The following SYNPR variants were observed in gnomAD, a reference collection of about 807,000 sequenced individuals.
The protein encoded by SYNPR is synaptoporin.
In SYNPR, 23 loss-of-function variants were observed where a neutral mutation model predicts 32.9. The ratio of observed to expected loss-of-function variants is 0.70; its 90% CI spans 0.50 to 0.99. The LOEUF (loss-of-function observed/expected upper bound fraction) is 0.99, where lower values mean the gene tolerates loss of function less well. SYNPR is among the 50% of genes least tolerant of loss of function. The pLI, the probability that SYNPR is intolerant of heterozygous loss-of-function variation, is 0.00. For missense variants in SYNPR, 318 were observed against 349.3 expected (o/e 0.91, Z 0.71); for synonymous variants, 146 against 135.9 (o/e 1.07, Z -0.52).
chr3:63,282,686 A>G (rs980728678), intron 2 of SYNPR, among the ~76,000 whole-genome samples: 6 of 80,588 alleles, frequency 7.4e-5, no homozygotes, highest in Non-Finnish European at 1.5e-4. Context: ...CTGTCTCAGA[A>G]AAAAAAAAAA....
chr3:63,459,416 T>C (rs2106650876), intron 2 of SYNPR, among the ~76,000 whole-genome samples: 1 of 152,264 alleles, frequency 6.6e-6, no homozygotes, highest in East Asian at 1.9e-4. Context: ...TTTCTCTCCT[T>C]CCTGTTCTGT....
At chr3:63,483,743 A>C (rs1274298126) in intron 3 of SYNPR, among the ~76,000 whole-genome samples, 1 of 152,158 alleles carries the variant, frequency 6.6e-6, no homozygotes, top group Non-Finnish European at 1.5e-5. Flanking sequence ...AGGTGAAAAA[A>C]ATCTGTATTT....
intron 4 of SYNPR, among the ~76,000 whole-genome samples, chr3:63,569,723 T>A (rs4130622): frequency 6.6e-6 from 1 of 152,198 alleles, no homozygotes; most frequent in African/African-American, 2.4e-5. Context: ...TCCTTTCTCA[T>A]TGAGACTCAA....
chr3:63,387,300 A>G (rs1468720144), intron 2 of SYNPR, among the ~76,000 whole-genome samples: 1 of 152,204 alleles, frequency 6.6e-6, no homozygotes, highest in African/African-American at 2.4e-5. Flanking sequence ...GTTTTACCAT[A>G]CAGTTATGTC....
At position 63,485,702 on chromosome 3, in the gene SYNPR, C is replaced by A. The variant is rs569314024; in HGVS notation, c.209+4746C>A. ...GACCTTCTAATAGAGAAGGTGCTCA[C>A]CTCTTGTTTTTTGGAAGTAACCAGC... is the stretch of plus-strand genomic sequence containing the variant. On this transcript the variant is annotated intron_variant, in intron 3 of 5. Transcript: ENST00000478300. Among the ~76,000 whole-genome samples the A allele has an allele frequency of 7.0e-4, 107 of 152,120 alleles. 1 individual carries two copies. The highest frequency in any genetic ancestry group is 1.4e-3 in the Non-Finnish European group (93 of 68,014).
chr3:63,278,450 C>A lies in SYNPR; in HGVS notation c.-84C>A, dbSNP rs1221366807. ...GCTCCTCTGGCTGCTCCCGAAGGGG[C>A]TTCTGGCCCTGAGGACGGTGGTGCC... On this transcript the variant is annotated 5_prime_UTR_variant, in exon 1 of 6. Coordinates refer to ENST00000478300, the MANE Select transcript of SYNPR (RefSeq NM_001130003.2). 1.3e-6 allele frequency: 2 copies of A among 1,484,242 alleles called. No homozygotes were observed. Among genetic ancestry groups the A allele is most frequent in the Non-Finnish European group, 9.0e-7 (1 of 1,110,356 alleles). The allele number at this position is 1,484,242 out of a possible 1,614,324, so 91.9% of individuals were successfully genotyped here. A position where few individuals can be genotyped will look rare whatever the true frequency, so the allele number is the denominator to read the frequency against.
chr3:63,292,343 T>C (rs1019751549), intron 2 of SYNPR, among the ~76,000 whole-genome samples: 7 of 152,230 alleles, frequency 4.6e-5, no homozygotes, highest in Non-Finnish European at 8.8e-5. Flanking sequence ...CAAACATTTG[T>C]CACTTGTTTG....
At chr3:63,594,384 A>ATTCTC (rs1699896503) in intron 4 of SYNPR, among the ~76,000 whole-genome samples, 2 of 152,206 alleles carry the variant, frequency 1.3e-5, no homozygotes, top group Admixed American at 6.5e-5. Context: ...ATGAGAATTA[A>ATTCTC]ATGAGTAATG....
chr3:63,595,745 A>ATATATAGTTATATATATATAGT lies in SYNPR; in HGVS notation c.409-13374_409-13373insGTTATATATATATAGTTATATA, dbSNP rs1699931006. On this transcript the variant is annotated intron_variant, in intron 4 of 5. Coordinates refer to ENST00000478300, the MANE Select transcript of SYNPR (RefSeq NM_001130003.2). The stretch of plus-strand genomic sequence containing the variant: ...TATATATATATATATATATATATAT[A>ATATATAGTTATATATATATAGT]TATATATATATATATATATATATAA... Among the ~76,000 whole-genome samples the ATATATAGTTATATATATATAGT allele has an allele frequency of 7.2e-5, 3 of 41,928 alleles. 1 individual carries two copies. Among genetic ancestry groups the ATATATAGTTATATATATATAGT allele is most frequent in the Non-Finnish European group, 1.1e-4 (3 of 28,094 alleles). The allele number at this position is 41,928 out of a possible 152,430, so 27.5% of individuals were successfully genotyped here. A position where few individuals can be genotyped will look rare whatever the true frequency, so the allele number is the denominator to read the frequency against.
chr3:63,471,428 C>G lies in SYNPR; in HGVS notation c.85-9404C>G, dbSNP rs62252076. Among the ~76,000 whole-genome samples, 400 of 152,306 alleles carry G rather than the reference C, an allele frequency of 2.6e-3. 4 individuals carry two copies. The highest frequency in any genetic ancestry group is 4.6e-3 in the Non-Finnish European group (316 of 68,030). ...AAGCCTTCTGGGTCAAAGTATTATACACCCATAGCAGTAACCATAAACTGA... is the reference window on the plus strand; with the variant it reads ...AAGCCTTCTGGGTCAAAGTATTATAGACCCATAGCAGTAACCATAAACTGA... On this transcript the variant is annotated intron_variant, in intron 2 of 5. Coordinates refer to ENST00000478300, the MANE Select transcript of SYNPR (RefSeq NM_001130003.2).
At chr3:63,272,262 G>A (rs1269580734) in intron 3 of SYNPR, among the ~76,000 whole-genome samples, 7 of 152,218 alleles carry the variant, frequency 4.6e-5, no homozygotes, top group Middle Eastern at 3.4e-3. Context: ...TATTACCTCC[G>A]TTTTACAGAT....
At chr3:63,224,220 C>T (rs1254348086), upstream of SYNPR, among the ~76,000 whole-genome samples, 1 of 152,144 alleles carries the variant, frequency 6.6e-6, no homozygotes, top group East Asian at 1.9e-4. Flanking sequence ...AGATCAGCTG[C>T]AGCATTAGAT....
intron 2 of SYNPR, among the ~76,000 whole-genome samples, chr3:63,301,484 G>A (rs1164462809): frequency 6.6e-6 from 1 of 152,032 alleles, no homozygotes; most frequent in East Asian, 1.9e-4. Flanking sequence ...TGGAAGAAAT[G>A]GGTAGAAGGC....
chr3:63,293,367 A>G (rs2086760880), intron 2 of SYNPR, among the ~76,000 whole-genome samples: 1 of 152,306 alleles, frequency 6.6e-6, no homozygotes, highest in South Asian at 2.1e-4. Flanking sequence ...CATAAGTGAA[A>G]TGTTTATTAA....
At chr3:63,233,058 G>A (rs1371766893) in intron 1 of SYNPR, among the ~76,000 whole-genome samples, 1 of 152,092 alleles carries the variant, frequency 6.6e-6, no homozygotes, top group African/African-American at 2.4e-5. Context: ...CAGAAGTAAG[G>A]AGAGTTCTGT....
At chr3:63,378,816 C>A (rs1006692311) in intron 2 of SYNPR, among the ~76,000 whole-genome samples, 1 of 151,294 alleles carries the variant, frequency 6.6e-6, no homozygotes, top group Non-Finnish European at 1.5e-5. Flanking sequence ...TATTTGCTTC[C>A]TTTTCCTTGT....
intron 3 of SYNPR, among the ~76,000 whole-genome samples, chr3:63,547,455 C>T (rs1702427822): frequency 6.6e-6 from 1 of 152,114 alleles, no homozygotes. Context: ...TCTCTCCCCA[C>T]ATTTTGAGGA....
chr3:63,358,790 C>T (rs1167185774), intron 2 of SYNPR, among the ~76,000 whole-genome samples: 1 of 152,160 alleles, frequency 6.6e-6, no homozygotes, highest in African/African-American at 2.4e-5. Flanking sequence ...GTAGGTTCTA[C>T]TATTGTCCTC....
chr3:63,402,082 A>C (rs902402480), intron 2 of SYNPR, among the ~76,000 whole-genome samples: 8 of 152,200 alleles, frequency 5.3e-5, no homozygotes, highest in African/African-American at 1.9e-4. Flanking sequence ...TCATAAATGA[A>C]GAGCAATGTT....
Sources: allele counts gnomAD v4.1 joint callset (sites outside exome capture counted in the v4.1 genomes callset), GRCh38; gene constraint gnomAD v4.1.1; transcripts MANE v1.5; gene names NCBI Gene and HGNC (gene_info 2026-07-23, HGNC 2026-07-21).